The following MANBA variants were observed in gnomAD, a reference collection of about 807,000 sequenced individuals.
The protein encoded by MANBA is mannosidase beta, also known as beta-mannosidase.
A neutral mutation model predicts 111.1 loss-of-function variants in MANBA; 83 were observed. The observed-to-expected ratio is 0.75, with a 90% CI of 0.63 to 0.90. The LOEUF is 0.90. Among genes scored for constraint, MANBA ranks in the 40% least tolerant of loss-of-function variants. MANBA has a pLI of 0.00. For synonymous variants in MANBA, 370 were observed against 378.7 expected (o/e 0.98, Z 0.27); for missense variants, 1,036 against 1,069.0 (o/e 0.97, Z 0.43).
At chr4:102,640,467 T>C (rs1329847586) in intron 13 of MANBA, among the ~76,000 whole-genome samples, 2 of 152,214 alleles carry the variant, frequency 1.3e-5, no homozygotes, top group East Asian at 3.8e-4. Context: ...AATTTAGTTC[T>C]TGTTTAAGAG....
At chr4:102,680,307 T>C (rs1159837710) in intron 7 of MANBA, among the ~76,000 whole-genome samples, 2 of 152,234 alleles carry the variant, frequency 1.3e-5, no homozygotes, top group Admixed American at 6.5e-5. Flanking sequence ...GCAAATATTT[T>C]TGTATCTGAT....
chr4:102,675,759 A>C (rs1267033904), intron 7 of MANBA, among the ~76,000 whole-genome samples: 3 of 152,204 alleles, frequency 2.0e-5, no homozygotes, highest in African/African-American at 7.2e-5. Flanking sequence ...ATGGGATTAG[A>C]AGGCTTACCT....
intron 5 of MANBA, among the ~76,000 whole-genome samples, chr4:102,692,812 C>T (rs1431115186): frequency 6.6e-6 from 1 of 151,900 alleles, no homozygotes; most frequent in South Asian, 2.1e-4. Flanking sequence ...ATCTTAGAGA[C>T]CTTTCTCCTA....
rs779626922 is a variant in MANBA at position 102,723,012 on chromosome 4, G to A, written c.408C>T (p.Asp136=). The A allele has an allele frequency of 5.3e-5, 86 of 1,613,960 alleles. No homozygotes were observed. Among genetic ancestry groups the A allele is most frequent in the Non-Finnish European group, 6.6e-5 (78 of 1,179,956 alleles). ...GGAAACGCAGCTCAATGGAGTTCAC[G>A]TCCCTGACCACGTTGGTAATATCAA... The part of the protein sequence containing the change: ...YSFDITNVVR[D]VNSIELRFQS... Residue 136 remains aspartate (D), a synonymous_variant, in exon 4 of 17, where the codon GAC becomes GAT. Transcript: ENST00000647097.
intron 10 of MANBA, chr4:102,668,664 T>C (rs1731338544): frequency 2.6e-6 from 1 of 378,754 alleles, no homozygotes; most frequent in Non-Finnish European, 5.0e-6. Flanking sequence ...AGTTTGTACA[T>C]GTTACATTTC....
At chr4:102,669,690 C>T (rs1467500666) in intron 9 of MANBA, among the ~76,000 whole-genome samples, 2 of 152,118 alleles carry the variant, frequency 1.3e-5, no homozygotes, top group Non-Finnish European at 2.9e-5. Flanking sequence ...ACTAGAAATA[C>T]AAAAATTAGG....
chr4:102,667,641 T>C (rs1731286479), intron 10 of MANBA: 1 of 152,206 alleles, frequency 6.6e-6, no homozygotes, highest in Non-Finnish European at 1.5e-5. Context: ...ACTAGAGTTA[T>C]AGATACAGAA....
intron 11 of MANBA, among the ~76,000 whole-genome samples, chr4:102,660,896 C>T (rs549942664): frequency 2.6e-5 from 4 of 152,006 alleles, no homozygotes; most frequent in Non-Finnish European, 5.9e-5. Context: ...CTAATCTTTG[C>T]TAGTAATCTT....
At chr4:102,681,111 G>A (rs2110233471) in intron 7 of MANBA, among the ~76,000 whole-genome samples, 1 of 152,256 alleles carries the variant, frequency 6.6e-6, no homozygotes, top group Admixed American at 6.5e-5. Context: ...AGACCAGCCT[G>A]GGCAACATGG....
intron 5 of MANBA, among the ~76,000 whole-genome samples, chr4:102,701,272 T>C (rs1733026394): frequency 6.6e-6 from 1 of 152,004 alleles, no homozygotes; most frequent in South Asian, 2.1e-4. Context: ...GGAGATGGGT[T>C]TCCTGAATAC....
At position 102,760,864 on chromosome 4, in the gene MANBA, G is replaced by T; in HGVS notation, c.31C>A (p.Leu11Met). 6.4e-7 allele frequency: 1 copy of T among 1,571,760 alleles called. No homozygotes were observed. The highest frequency in any genetic ancestry group is 8.6e-7 in the Non-Finnish European group (1 of 1,160,342). MRLHLLLLLA[L>M]CGAGTTAAEL... The stretch of plus-strand genomic sequence containing the variant: ...GCGGCGGTGGTGCCTGCACCGCACA[G>T]CGCGAGCAGCAGGAGCAGGTGGAGG... Residue 11 changes from leucine to methionine, a missense_variant, in exon 1 of 17, where the codon CTG (leucine) becomes ATG (methionine). Leu to Met is a conservative substitution (Grantham distance 15, BLOSUM62 2). Coordinates refer to ENST00000647097, the MANE Select transcript of MANBA (RefSeq NM_005908.4).
intron 5 of MANBA, among the ~76,000 whole-genome samples, chr4:102,696,996 T>C (rs1732740967): frequency 6.6e-6 from 1 of 152,150 alleles, no homozygotes; most frequent in Non-Finnish European, 1.5e-5. Context: ...AAACAGCTGT[T>C]TTCCCTCTTC....
At chr4:102,690,522 C>T (rs1324367417) in intron 6 of MANBA, 74 bp downstream of exon 6, 42 of 1,389,530 alleles carry the variant, frequency 3.0e-5, no homozygotes, top group Middle Eastern at 3.6e-4. Context: ...ATACTTAGTC[C>T]CTCCTTTCTA....
intron 11 of MANBA, among the ~76,000 whole-genome samples, chr4:102,658,166 C>G (rs892651878): frequency 2.0e-5 from 3 of 152,212 alleles, no homozygotes; most frequent in African/African-American, 7.2e-5. Flanking sequence ...TGCCTCCACT[C>G]TCATCCATCA....
At chr4:102,700,306 C>G (rs1163117394) in intron 5 of MANBA, among the ~76,000 whole-genome samples, 1 of 151,968 alleles carries the variant, frequency 6.6e-6, no homozygotes, top group Non-Finnish European at 1.5e-5. Context: ...TTTCAAAAAA[C>G]CAGCTCCTGG....
In MANBA at chr4:102,760,785, G is replaced by A. The variant is rs1194057591; in HGVS notation, c.110C>T (p.Ser37Leu). ...AGGGACCGCCCCGGGCAGCTCCAGC[G>A]AGCCGTTCCCATTGCAGATGCTCCA... ...GNWSICNGNG[S>L]LELPGAVPGC... Residue 37 changes from serine (S) to leucine (L), a missense_variant, in exon 1 of 17, where the codon TCG becomes TTG. Coordinates refer to ENST00000647097, the MANE Select transcript of MANBA (RefSeq NM_005908.4). 18 of 1,553,514 alleles carry A rather than the reference G, an allele frequency of 1.2e-5. No individual in the cohort carries two copies. Among genetic ancestry groups the A allele is most frequent in the Non-Finnish European group, 1.5e-5 (17 of 1,148,726 alleles).
At chr4:102,723,565 A>G (rs1254382675) in intron 3 of MANBA, among the ~76,000 whole-genome samples, 1 of 152,268 alleles carries the variant, frequency 6.6e-6, no homozygotes, top group East Asian at 1.9e-4. Flanking sequence ...TCATTTGTCC[A>G]ATGAAACTGT....
chr4:102,716,309 C>CA (rs56345161), intron 4 of MANBA, among the ~76,000 whole-genome samples: 2,563 of 39,038 alleles, frequency 0.066, 205 homozygotes, highest in East Asian at 0.21. Context: ...AACTCAGTCT[C>CA]AAAAAAAAAA....
At position 102,668,978 on chromosome 4, in the gene MANBA, T is replaced by C. The variant is rs376135201; in HGVS notation, c.1302A>G (p.Ala434=). 1.7e-4 allele frequency: 267 copies of C among 1,613,098 alleles called. No homozygotes were observed. The highest frequency in any genetic ancestry group is 2.2e-4 in the Non-Finnish European group (254 of 1,179,286). ...AGTAACATACCTGGTAGGCAACTTCTGCTGTCACTGAATCCAGGAAGCCCT... is the reference window on the plus strand; with the variant it reads ...AGTAACATACCTGGTAGGCAACTTCCGCTGTCACTGAATCCAGGAAGCCCT... ...TDQGFLDSVT[A]EVAYQIKRLK... Residue 434 remains alanine (A), a synonymous_variant, in exon 10 of 17, where the codon GCA becomes GCG. Transcript: ENST00000647097.
Sources: gnomAD v4.1 joint callset for allele counts (sites outside exome capture counted in the v4.1 genomes callset) on GRCh38, gnomAD v4.1.1 for gene constraint, MANE v1.5 for transcripts, NCBI Gene and HGNC (gene_info 2026-07-23, HGNC 2026-07-21) for gene names.